The following PTPRE variants were observed in gnomAD, a reference collection of about 807,000 sequenced individuals.
The protein encoded by PTPRE is receptor-type tyrosine-protein phosphatase epsilon.
In PTPRE, 51 loss-of-function variants were observed where a neutral mutation model predicts 102.0. The ratio of observed to expected loss-of-function variants is 0.50; its 90% CI spans 0.40 to 0.63. The LOEUF (loss-of-function observed/expected upper bound fraction) is 0.63, where lower values mean the gene tolerates loss of function less well. Among genes scored for constraint, PTPRE ranks in the 30% least tolerant of loss-of-function variants. PTPRE has a pLI of 0.00. For missense variants in PTPRE, 752 were observed against 915.1 expected, an observed-to-expected ratio of 0.82 and a Z score of 2.30; for synonymous variants, 345 against 348.2, an observed-to-expected ratio of 0.99 and a Z score of 0.10.
chr10:128,041,017 C>T (rs1847645969), intron 3 of PTPRE, 27 bp downstream of exon 3: 1 of 1,587,534 alleles, frequency 6.3e-7, no homozygotes, highest in African/African-American at 1.3e-5. Flanking sequence ...CTGGCTGCCT[C>T]CCCTACTACC....
chr10:127,929,989 G>A (rs1847301383), intron 1 of PTPRE, among the ~76,000 whole-genome samples: 1 of 144,388 alleles, frequency 6.9e-6, no homozygotes, highest in Non-Finnish European at 1.5e-5. Context: ...CCCGAGAGGC[G>A]AGGTGAAGGT....
At chr10:127,931,151 A>T (rs1300247095) in intron 1 of PTPRE, among the ~76,000 whole-genome samples, 1 of 151,850 alleles carries the variant, frequency 6.6e-6, no homozygotes, top group Non-Finnish European at 1.5e-5. Context: ...GTAGTATTTC[A>T]TGTCAGTTTT....
At chr10:127,916,081 G>A (rs1846186873) in intron 1 of PTPRE, among the ~76,000 whole-genome samples, 2 of 152,104 alleles carry the variant, frequency 1.3e-5, no homozygotes, top group Admixed American at 1.3e-4. Flanking sequence ...TCCAGGGAGT[G>A]TTAAATGTGA....
At chr10:128,023,317 A>G (rs1846057324) in intron 2 of PTPRE, among the ~76,000 whole-genome samples, 1 of 152,148 alleles carries the variant, frequency 6.6e-6, no homozygotes, top group Non-Finnish European at 1.5e-5. Context: ...GAAAAAGGAT[A>G]GTATATATAC....
intron 2 of PTPRE, among the ~76,000 whole-genome samples, chr10:127,996,543 C>G (rs755074545): frequency 5.3e-5 from 8 of 152,206 alleles, no homozygotes; most frequent in South Asian, 2.1e-4. Flanking sequence ...CTGCAGCTTC[C>G]CCAGTTTTTA....
intron 2 of PTPRE, among the ~76,000 whole-genome samples, chr10:128,026,263 T>G (rs1455833875): frequency 6.6e-6 from 1 of 152,238 alleles, no homozygotes; most frequent in Admixed American, 6.5e-5. Flanking sequence ...CTCATCCATC[T>G]GTGTTCCAAG....
intron 2 of PTPRE, among the ~76,000 whole-genome samples, chr10:128,001,355 G>A (rs1228137220): frequency 6.6e-6 from 1 of 152,218 alleles, no homozygotes; most frequent in Admixed American, 6.5e-5. Context: ...GCTGGAGAAA[G>A]GCTGATAGTA....
At chr10:127,915,686 C>A (rs1350618553) in intron 1 of PTPRE, among the ~76,000 whole-genome samples, 1 of 152,056 alleles carries the variant, frequency 6.6e-6, no homozygotes, top group East Asian at 1.9e-4. Flanking sequence ...AGCTAGCCAA[C>A]AACATTCTTT....
At chr10:127,935,938 C>A (rs1847817439) in intron 1 of PTPRE, 4 of 152,272 alleles carry the variant, frequency 2.6e-5, no homozygotes, top group Admixed American at 6.5e-5. Context: ...GCCATCGAGG[C>A]CTTCTTCCCT....
chr10:127,969,547 A>G (rs1369922368), intron 1 of PTPRE, among the ~76,000 whole-genome samples: 1 of 152,098 alleles, frequency 6.6e-6, no homozygotes, highest in Non-Finnish European at 1.5e-5. Context: ...GCACACCTGT[A>G]ATCCCAGCTA....
chr10:127,914,469 A>C (rs1026764823), intron 1 of PTPRE, among the ~76,000 whole-genome samples: 2 of 152,166 alleles, frequency 1.3e-5, no homozygotes, highest in Non-Finnish European at 2.9e-5. Flanking sequence ...ACTTGTTATA[A>C]AACACACTTT....
chr10:128,078,696 C>T (rs769603241), intron 19 of PTPRE, among the ~76,000 whole-genome samples: 18 of 152,226 alleles, frequency 1.2e-4, no homozygotes, highest in Non-Finnish European at 2.5e-4. Flanking sequence ...GCACACACCT[C>T]GGTTTTTGGT....
At chr10:127,909,882 G>T (rs562928930) in intron 1 of PTPRE, among the ~76,000 whole-genome samples, 133 of 152,302 alleles carry the variant, frequency 8.7e-4, no homozygotes, top group Middle Eastern at 3.4e-3. Context: ...GATGGGCATG[G>T]TCCATCCAGG....
intron 2 of PTPRE, among the ~76,000 whole-genome samples, chr10:128,036,822 G>A (rs972722895): frequency 8.5e-5 from 13 of 152,116 alleles, no homozygotes; most frequent in South Asian, 4.1e-4. Flanking sequence ...AGGAACCACC[G>A]AGGAATCTTC....
intron 20 of PTPRE, 27 bp downstream of exon 20, chr10:128,079,722 A>G: frequency 6.3e-7 from 1 of 1,592,244 alleles, no homozygotes; most frequent in Non-Finnish European, 8.6e-7. Context: ...GGATGTTACC[A>G]GAAGAGTGGA....
intron 7 of PTPRE, 52 bp downstream of exon 7, chr10:128,056,265 A>T: frequency 2.7e-6 from 4 of 1,490,328 alleles, no homozygotes; most frequent in Non-Finnish European, 3.7e-6. Flanking sequence ...CACTAAACTC[A>T]GCTTTGCCTT....
Position 128,070,076 on chromosome 10 carries a change from T to C in PTPRE, c.1144-225T>C, listed in dbSNP as rs1449924482. 4.4e-6 allele frequency: 3 copies of C among 681,946 alleles called. No individual in the cohort carries two copies. The highest frequency in any genetic ancestry group is 1.9e-5 in the South Asian group (1 of 51,952). 42.2% of individuals were successfully genotyped at this position (681,946 alleles called of 1,614,324 possible). On this transcript the variant is annotated intron_variant, in intron 13 of 20. Coordinates refer to ENST00000254667, the MANE Select transcript of PTPRE (RefSeq NM_006504.6). This position sits in a 1 kb window ranked among gnomAD's most constrained non-coding sequence, Gnocchi z 4.8. ...TCCCCCAAACGGTGCATGTACACAGTGCGTGGCGTGCTCACCAATGTGAGG... is the reference window on the plus strand; with the variant it reads ...TCCCCCAAACGGTGCATGTACACAGCGCGTGGCGTGCTCACCAATGTGAGG...
chr10:128,050,423 T>C (rs1423919455), intron 6 of PTPRE, among the ~76,000 whole-genome samples: 1 of 145,290 alleles, frequency 6.9e-6, no homozygotes, highest in African/African-American at 2.6e-5. Flanking sequence ...GATGGATGGA[T>C]GGATGGATGG....
At chr10:127,938,289 T>C (rs1405688231) in intron 1 of PTPRE, among the ~76,000 whole-genome samples, 5 of 152,180 alleles carry the variant, frequency 3.3e-5, no homozygotes, top group Non-Finnish European at 7.3e-5. Context: ...TTGTTTCCAA[T>C]CAGGGAGCTC....
Sources: gnomAD v4.1 joint callset for allele counts (sites outside exome capture counted in the v4.1 genomes callset) on GRCh38, gnomAD v4.1.1 for gene constraint, Gnocchi (gnomAD v3.1) non-coding constraint, MANE v1.5 for transcripts, NCBI Gene and HGNC (gene_info 2026-07-23, HGNC 2026-07-21) for gene names.